The following FBXL13 variants were observed in gnomAD, a reference collection of about 807,000 sequenced individuals.
The protein encoded by FBXL13 is F-box and leucine-rich repeat protein 13.
In FBXL13, 67 loss-of-function variants were observed where a neutral mutation model predicts 83.6. That is an observed-to-expected ratio of 0.80 (90% CI 0.66 to 0.98). The LOEUF (loss-of-function observed/expected upper bound fraction) is 0.98. FBXL13 is among the 50% of genes least tolerant of loss of function. The pLI is 0.00. For synonymous variants in FBXL13, 272 were observed against 299.5 expected (o/e 0.91, Z 0.95); for missense variants, 822 against 866.5 (o/e 0.95, Z 0.64).
At chr7:102,831,431 A>ACACACACCCCCCCCC (rs1033135095) in intron 18 of FBXL13, among the ~76,000 whole-genome samples, 9 of 147,124 alleles carry the variant, frequency 6.1e-5, no homozygotes, top group African/African-American at 2.2e-4. Flanking sequence ...ACACACACAC[A>ACACACACCCCCCCCC]CCCCACTACA....
intron 16 of FBXL13, 86 bp from the exon 18 acceptor site, chr7:102,854,946 A>C: frequency 1.5e-6 from 1 of 685,070 alleles, no homozygotes; most frequent in Non-Finnish European, 2.3e-6. Flanking sequence ...ACAAACTGAC[A>C]ACATAAAAAA....
At chr7:102,999,067 G>A (rs1270576012) in intron 6 of FBXL13, among the ~76,000 whole-genome samples, 1 of 151,632 alleles carries the variant, frequency 6.6e-6, no homozygotes, top group Non-Finnish European at 1.5e-5. Context: ...ACCATATACA[G>A]TCTTTATTTT....
chr7:102,909,366 C>A (rs1457800748), intron 11 of FBXL13, among the ~76,000 whole-genome samples: 1 of 152,084 alleles, frequency 6.6e-6, no homozygotes, highest in Admixed American at 6.6e-5. Flanking sequence ...TCGCGGACCC[C>A]AAGAACCTGC....
intron 8 of FBXL13, among the ~76,000 whole-genome samples, chr7:102,956,334 C>T (rs1156338495): frequency 6.6e-6 from 1 of 151,876 alleles, no homozygotes; most frequent in East Asian, 1.9e-4. Context: ...AATTCAACAG[C>T]CCTTCATGCT....
intron 16 of FBXL13, among the ~76,000 whole-genome samples, chr7:102,861,287 A>G (rs1372837950): frequency 1.3e-5 from 2 of 152,082 alleles, no homozygotes; most frequent in Admixed American, 1.3e-4. Flanking sequence ...ATGTCTTTTT[A>G]GTCTTTTTTT....
chr7:102,854,689 A>G (rs1805768165), intron 17 of FBXL13, 88 bp downstream of exon 18: 2 of 774,410 alleles, frequency 2.6e-6, no homozygotes, highest in Non-Finnish European at 4.0e-6. Context: ...TATTTCAATA[A>G]AAATAGTCCT....
intron 8 of FBXL13, among the ~76,000 whole-genome samples, chr7:102,953,434 G>C (rs1245388280): frequency 6.6e-6 from 1 of 151,992 alleles, no homozygotes; most frequent in Non-Finnish European, 1.5e-5. Flanking sequence ...AGTTGACTTA[G>C]AAAAGGCATT....
chr7:102,964,466 G>T (rs1365203336), intron 7 of FBXL13, among the ~76,000 whole-genome samples: 1 of 148,690 alleles, frequency 6.7e-6, no homozygotes, highest in African/African-American at 2.5e-5. Flanking sequence ...GCAGTGGCAC[G>T]ATCTTGGCTC....
intron 2 of FBXL13, among the ~76,000 whole-genome samples, chr7:103,030,338 T>G (rs1453324582): frequency 6.6e-6 from 1 of 152,204 alleles, no homozygotes; most frequent in African/African-American, 2.4e-5. Context: ...TCCTCACTTT[T>G]GATGGAGATT....
chr7:102,916,178 G>T (rs969753281), intron 10 of FBXL13, among the ~76,000 whole-genome samples: 1 of 151,950 alleles, frequency 6.6e-6, no homozygotes, highest in African/African-American at 2.4e-5. Flanking sequence ...TTAGAGACAG[G>T]GTTTTACCAT....
Position 102,866,864 on chromosome 7 carries a change from C to A in FBXL13, c.1635+10603G>T, listed in dbSNP as rs902583463. 7.9e-5 allele frequency among the ~76,000 whole-genome samples: 12 copies of A among 152,178 alleles called. No homozygotes were observed. In the South Asian group the frequency reaches 1.2e-3, roughly 16 times the overall value. ...CTCCTATGAACATCTTGCTAGGCAT[C>A]CCAAAGATGGGATGGTCCTGTCTCT... On this transcript the variant is annotated intron_variant, in intron 16 of 19. Coordinates refer to ENST00000313221, the Ensembl canonical transcript of FBXL13.
At chr7:103,070,078 CAAAA>C (rs76010935) in intron 1 of FBXL13, among the ~76,000 whole-genome samples, 3 of 67,306 alleles carry the variant, frequency 4.5e-5, no homozygotes, top group Admixed American at 1.7e-4. Flanking sequence ...GACTCTGTCT[CAAAA>C]AAAAAAAAAA....
chr7:102,953,804 C>T (rs888556447), intron 8 of FBXL13, among the ~76,000 whole-genome samples: 1 of 152,048 alleles, frequency 6.6e-6, no homozygotes, highest in African/African-American at 2.4e-5. Flanking sequence ...AAACTGAAAC[C>T]CTGAATGTTG....
At chr7:103,029,864 G>A (rs931998262) in intron 2 of FBXL13, among the ~76,000 whole-genome samples, 4 of 151,986 alleles carry the variant, frequency 2.6e-5, no homozygotes, top group Non-Finnish European at 5.9e-5. Flanking sequence ...GCAGGAATAG[G>A]AAAACCACAT....
chr7:102,814,135 A>G (rs1434821230), intron 19 of FBXL13, among the ~76,000 whole-genome samples: 1 of 152,190 alleles, frequency 6.6e-6, no homozygotes, highest in Non-Finnish European at 1.5e-5. Context: ...AATGCATCAG[A>G]AAAAAAGTAG....
intron 6 of FBXL13, among the ~76,000 whole-genome samples, chr7:102,982,045 T>C (rs936480091): frequency 2.0e-5 from 3 of 152,116 alleles, no homozygotes; most frequent in Non-Finnish European, 2.9e-5. Context: ...CACATATAGA[T>C]ACACTCTTCT....
intron 8 of FBXL13, among the ~76,000 whole-genome samples, chr7:102,940,775 AT>A (rs1269803589): frequency 3.9e-5 from 6 of 152,200 alleles, no homozygotes; most frequent in African/African-American, 1.4e-4. Context: ...AACACATCGG[AT>A]TTGGAAAGAA....
chr7:102,829,904 G>A (rs1438924194), intron 18 of FBXL13, among the ~76,000 whole-genome samples: 1 of 152,142 alleles, frequency 6.6e-6, no homozygotes, highest in African/African-American at 2.4e-5. Flanking sequence ...AGGGTGAGTT[G>A]AGGAGTATTC....
intron 8 of FBXL13, among the ~76,000 whole-genome samples, chr7:102,946,650 T>TTTTA (rs10570570): frequency 0.022 from 3,064 of 140,940 alleles, 84 homozygotes; most frequent in African/African-American, 0.05. Context: ...TCTATTTTTA[T>TTTTA]TTTATTTATT....
Sources: gnomAD v4.1 joint callset for allele counts (sites outside exome capture counted in the v4.1 genomes callset) on GRCh38, gnomAD v4.1.1 for gene constraint, MANE v1.5 for transcripts, NCBI Gene and HGNC (gene_info 2026-07-23, HGNC 2026-07-21) for gene names.